The following SLC39A14 variants were observed in gnomAD, a reference collection of about 807,000 sequenced individuals.
SLC39A14 encodes the protein metal cation symporter ZIP14.
Under a neutral mutation model 45.5 loss-of-function variants are expected in SLC39A14, and 19 were observed. The observed-to-expected ratio is 0.42, with a 90% CI of 0.29 to 0.61. The LOEUF (loss-of-function observed/expected upper bound fraction) is 0.61, where lower values mean the gene tolerates loss of function less well. Among genes scored for constraint, SLC39A14 ranks in the 20% least tolerant of loss-of-function variants. The pLI is 0.22. For synonymous variants in SLC39A14, 264 were observed against 251.3 expected (o/e 1.05, Z -0.48); for missense variants, 447 against 616.5 (o/e 0.73, Z 2.91).
At chr8:22,413,493 T>C (rs1835699714) in intron 4 of SLC39A14, among the ~76,000 whole-genome samples, 1 of 152,186 alleles carries the variant, frequency 6.6e-6, no homozygotes, top group Non-Finnish European at 1.5e-5. Context: ...CACTTCACTT[T>C]TCCCCCAAGA....
At chr8:22,408,199 G>A in intron 2 of SLC39A14, 111 bp from the exon 3 acceptor site, 1 of 961,344 alleles carries the variant, frequency 1.0e-6, no homozygotes, top group East Asian at 2.4e-5. Flanking sequence ...CTGAAATTTG[G>A]ACATTTCTGT....
At position 22,421,946 on chromosome 8, in the gene SLC39A14, G is replaced by A. The variant is rs534451456; in HGVS notation, c.*2248G>A. On this transcript the variant is annotated 3_prime_UTR_variant, in exon 9 of 9. Transcript: ENST00000381237. ...CTCAAAGGGAAATCCTCTTTAAACC[G>A]TAGTTGGCGCAGAGGTCAGTCCTAG... The A allele has an allele frequency of 3.5e-5, 34 of 985,288 alleles. No homozygotes were observed. Among genetic ancestry groups the A allele is most frequent in the East Asian group, 1.1e-4 (1 of 8,824 alleles). 61.0% of individuals were successfully genotyped at this position (985,288 alleles called of 1,614,324 possible). A position where few individuals can be genotyped will look rare whatever the true frequency, so the allele number is the denominator to read the frequency against.
rs1836228975 is a variant in SLC39A14 at position 22,421,543 on chromosome 8, G to A, written c.*1845G>A. 2 of 985,400 alleles carry A rather than the reference G, an allele frequency of 2.0e-6. No homozygotes were observed. The highest frequency in any genetic ancestry group is 6.2e-5 in the Admixed American group (1 of 16,258). 61.0% of individuals were successfully genotyped at this position (985,400 alleles called of 1,614,324 possible). ...CAAAGAACCAATTCCTTGAATGTTGGAATCTAACTTTTTATATTGTCATTA... is the reference window on the plus strand; with the variant it reads ...CAAAGAACCAATTCCTTGAATGTTGAAATCTAACTTTTTATATTGTCATTA... On this transcript the variant is annotated 3_prime_UTR_variant, in exon 9 of 9. Transcript: ENST00000381237.
intron 2 of SLC39A14, among the ~76,000 whole-genome samples, chr8:22,406,037 G>A (rs919790579): frequency 6.6e-6 from 1 of 152,220 alleles, no homozygotes. Flanking sequence ...GGGTTGGACA[G>A]TAATTGTAGG....
At chr8:22,391,216 A>G (rs1185812983) in intron 1 of SLC39A14, among the ~76,000 whole-genome samples, 3 of 152,086 alleles carry the variant, frequency 2.0e-5, no homozygotes, top group South Asian at 2.1e-4. Context: ...CCCCCTTGTC[A>G]TCATCATTCA....
chr8:22,433,000 T>C (rs918440407), intron 8 of SLC39A14, among the ~76,000 whole-genome samples: 1 of 151,892 alleles, frequency 6.6e-6, no homozygotes, highest in African/African-American at 2.4e-5. Context: ...GGGGTCTCCC[T>C]ATGTCATTGC....
chr8:22,412,415 ACC>A (rs1475881633), intron 4 of SLC39A14, among the ~76,000 whole-genome samples: 2 of 152,138 alleles, frequency 1.3e-5, no homozygotes, highest in African/African-American at 4.8e-5. Context: ...AGGTTCCGTA[ACC>A]CCAGGCACAC....
intron 1 of SLC39A14, among the ~76,000 whole-genome samples, chr8:22,368,638 G>A (rs1459989310): frequency 6.6e-6 from 1 of 152,278 alleles, no homozygotes; most frequent in East Asian, 1.9e-4. Flanking sequence ...CCGGGTTCAA[G>A]CGACTCTCCT....
chr8:22,417,598 C>A, intron 7 of SLC39A14, 53 bp from the exon 8 acceptor site: 1 of 1,476,468 alleles, frequency 6.8e-7, no homozygotes, highest in Non-Finnish European at 9.4e-7. Flanking sequence ...ATTCACCATG[C>A]CCATCTTACT....
intron 2 of SLC39A14, among the ~76,000 whole-genome samples, chr8:22,407,579 T>G (rs953768213): frequency 3.9e-5 from 6 of 152,284 alleles, no homozygotes; most frequent in African/African-American, 1.4e-4. Flanking sequence ...CAGGCTGGTT[T>G]TGAACTCCTG....
intron 8 of SLC39A14, among the ~76,000 whole-genome samples, chr8:22,432,606 G>C (rs917328783): frequency 4.0e-5 from 6 of 150,848 alleles, no homozygotes; most frequent in African/African-American, 1.5e-4. Context: ...GGCCTCCCGA[G>C]TAGCTGGGAC....
At chr8:22,380,830 C>T (rs1833466013) in intron 1 of SLC39A14, among the ~76,000 whole-genome samples, 1 of 152,086 alleles carries the variant, frequency 6.6e-6, no homozygotes, top group African/African-American at 2.4e-5. Flanking sequence ...GCATGTACCA[C>T]CATGCCAAGC....
rs1338321388 is a variant in SLC39A14 at position 22,412,154 on chromosome 8, C to T, written c.575C>T (p.Ala192Val). 1.3e-6 allele frequency: 2 copies of T among 1,551,622 alleles called. No individual in the cohort carries two copies. The highest frequency in any genetic ancestry group is 8.7e-7 in the Non-Finnish European group (1 of 1,147,010). ...FYKRLLLYFI[A>V]LAIGTLYSNA... ...AAGAGGCTGCTGCTCTACTTCATAG[C>T]TCTGGCGATTGGAACCCTCTACTCC... The change falls in exon 4 of 9, where the codon GCT becomes GTT. Residue 192 changes from alanine (A) to valine (V), a missense_variant. Around this residue, in one of 2 missense-constraint regions of SLC39A14, gnomAD observed 342 missense variants for 428.1 expected, o/e 0.80. Transcript: ENST00000381237.
In SLC39A14 at chr8:22,432,589, C is replaced by G. The variant is rs532434228; in HGVS notation, c.1333-1302C>G. 1.7e-4 allele frequency among the ~76,000 whole-genome samples: 26 copies of G among 151,912 alleles called. No individual in the cohort carries two copies. In the East Asian group the frequency reaches 5.1e-3, roughly 30 times the overall value. On this transcript the variant is annotated intron_variant, in intron 8 of 8. Coordinates refer to the SLC39A14 transcript ENST00000240095. Reference sequence around the variant, plus strand: ...AACTCCCTGGGTCCAAGTGATCCTCCTACCTCGGCCTCCCGAGTAGCTGGG... The same window carrying G: ...AACTCCCTGGGTCCAAGTGATCCTCGTACCTCGGCCTCCCGAGTAGCTGGG...
At chr8:22,401,152 G>T (rs1834829484) in intron 1 of SLC39A14, among the ~76,000 whole-genome samples, 1 of 152,216 alleles carries the variant, frequency 6.6e-6, no homozygotes, top group Non-Finnish European at 1.5e-5. Flanking sequence ...CTGCGTCGCT[G>T]CTTTGAGTGA....
intron 8 of SLC39A14, among the ~76,000 whole-genome samples, chr8:22,431,511 T>C (rs1836466859): frequency 6.6e-6 from 1 of 152,200 alleles, no homozygotes; most frequent in East Asian, 1.9e-4. Context: ...CCTGTGCTTT[T>C]GTTAAATTAA....
At chr8:22,384,733 T>G (rs1586659272) in intron 1 of SLC39A14, among the ~76,000 whole-genome samples, 7 of 118,480 alleles carry the variant, frequency 5.9e-5, no homozygotes, top group East Asian at 2.4e-4. Flanking sequence ...GGCAACAGAG[T>G]GAGACTGTCT....
chr8:22,417,337 G>A (rs1190604067), intron 7 of SLC39A14, among the ~76,000 whole-genome samples: 1 of 152,148 alleles, frequency 6.6e-6, no homozygotes, highest in East Asian at 1.9e-4. Context: ...CTGGGTATAC[G>A]GCCAGTTTGG....
intron 1 of SLC39A14, among the ~76,000 whole-genome samples, chr8:22,389,682 G>T (rs527540640): frequency 1.3e-5 from 2 of 152,122 alleles, no homozygotes; most frequent in Non-Finnish European, 2.9e-5. Context: ...GAGGTGAGAG[G>T]CTTAGGGGGG....
Sources: gnomAD v4.1 joint callset for allele counts (sites outside exome capture counted in the v4.1 genomes callset) on GRCh38, gnomAD v4.1.1 for gene constraint, gnomAD v4.1.1 regional missense constraint, MANE v1.5 for transcripts, NCBI Gene and HGNC (gene_info 2026-07-23, HGNC 2026-07-21) for gene names.